RAB38: variants seen among roughly 807,000 people sequenced by gnomAD.
RAB38 encodes the protein RAB38, member RAS oncogene family.
RAB38 carries 15 observed loss-of-function variants against 18.4 expected under a neutral mutation model. The observed-to-expected ratio is 0.82, with a 90% CI of 0.55 to 1.26. RAB38 has a LOEUF of 1.26. Among genes scored for constraint, RAB38 ranks in the 50% most tolerant of loss-of-function variants. The pLI is 0.00. For synonymous variants in RAB38, 101 were observed against 104.4 expected (o/e 0.97, Z 0.20); for missense variants, 294 against 267.4 (o/e 1.10, Z -0.69).
the RAB38 span, among the ~76,000 whole-genome samples, chr11:88,039,180 A>G: frequency 6.6e-6 from 1 of 152,192 alleles, no homozygotes; most frequent in Non-Finnish European, 1.5e-5. Flanking sequence ...TGTGTCCTGT[A>G]AGCAATGAAA....
At chr11:88,018,982 T>A in the RAB38 span, among the ~76,000 whole-genome samples, 1 of 152,152 alleles carries the variant, frequency 6.6e-6, no homozygotes, top group African/African-American at 2.4e-5. Flanking sequence ...GAAGGACATT[T>A]CATTTTTTTC....
chr11:87,953,024 T>A, the RAB38 span, among the ~76,000 whole-genome samples: 5 of 152,274 alleles, frequency 3.3e-5, no homozygotes, highest in South Asian at 6.2e-4. Flanking sequence ...AATAACTTTT[T>A]AAAAATTCTA....
At chr11:87,868,525 A>G in the RAB38 span, among the ~76,000 whole-genome samples, 780 of 133,460 alleles carry the variant, frequency 5.8e-3, 8 homozygotes, top group African/African-American at 0.025. Context: ...ATGTGGCAAC[A>G]GAAATGAAAA....
chr11:87,821,382 G>T, the RAB38 span, among the ~76,000 whole-genome samples: 3 of 152,150 alleles, frequency 2.0e-5, no homozygotes, highest in African/African-American at 7.2e-5. Flanking sequence ...AAAAACAAGA[G>T]TGGAACAAAG....
At chr11:87,973,449 T>C in the RAB38 span, among the ~76,000 whole-genome samples, 1 of 151,082 alleles carries the variant, frequency 6.6e-6, no homozygotes, top group Admixed American at 6.7e-5. Flanking sequence ...TTGTGAGCTT[T>C]GAAATGAGAG....
chr11:88,124,359 T>C (rs1161299915), intron 2 of RAB38, among the ~76,000 whole-genome samples: 1 of 152,076 alleles, frequency 6.6e-6, no homozygotes, highest in African/African-American at 2.4e-5. Flanking sequence ...GGAGAAAATT[T>C]TTGCAATCTA....
the RAB38 span, among the ~76,000 whole-genome samples, chr11:87,941,221 A>ATATATATATATATATG: frequency 1.4e-4 from 15 of 109,190 alleles, no homozygotes; most frequent in African/African-American, 5.2e-4. Context: ...TGAGATATAT[A>ATATATATATATATATG]TATATATATA....
downstream of RAB38, among the ~76,000 whole-genome samples, chr11:88,110,051 A>C (rs1460295023): frequency 6.6e-6 from 1 of 152,196 alleles, no homozygotes; most frequent in Non-Finnish European, 1.5e-5. Flanking sequence ...TCATTCTACT[A>C]TAAAGACATA....
the RAB38 span, among the ~76,000 whole-genome samples, chr11:88,042,476 G>A: frequency 6.6e-6 from 1 of 152,178 alleles, no homozygotes; most frequent in African/African-American, 2.4e-5. Context: ...AGCACCTCAG[G>A]TCAGTCATGC....
At chr11:87,806,085 T>C in the RAB38 span, among the ~76,000 whole-genome samples, 1,959 of 152,300 alleles carry the variant, frequency 0.013, 81 homozygotes, top group Admixed American at 0.072. Flanking sequence ...AAATTAGCCA[T>C]CAGAGCAAGT....
At chr11:88,047,084 C>G in the RAB38 span, among the ~76,000 whole-genome samples, 1 of 152,184 alleles carries the variant, frequency 6.6e-6, no homozygotes, top group South Asian at 2.1e-4. Context: ...CTTAAAATCA[C>G]AAACTGTGCT....
At chr11:88,019,456 T>G in the RAB38 span, among the ~76,000 whole-genome samples, 1 of 152,220 alleles carries the variant, frequency 6.6e-6, no homozygotes, top group South Asian at 2.1e-4. Context: ...CCCCTGCAAC[T>G]TGCAATAGCC....
At chr11:88,142,464 C>T (rs1005053555) in intron 2 of RAB38, among the ~76,000 whole-genome samples, 19 of 152,308 alleles carry the variant, frequency 1.2e-4, no homozygotes, top group East Asian at 7.7e-4. Context: ...AAGCATGGAT[C>T]CTCTTTTACA....
chr11:88,157,503 C>A (rs576819738), intron 1 of RAB38, among the ~76,000 whole-genome samples: 1 of 152,176 alleles, frequency 6.6e-6, no homozygotes, highest in Non-Finnish European at 1.5e-5. Flanking sequence ...ACCTAACAGA[C>A]ATCTACGGAA....
the RAB38 span, among the ~76,000 whole-genome samples, chr11:87,869,390 G>A: frequency 2.6e-5 from 4 of 151,498 alleles, no homozygotes; most frequent in Non-Finnish European, 5.9e-5. Flanking sequence ...TAGTTTCTTG[G>A]TCAGTATTCC....
chr11:88,008,629 G>C, the RAB38 span, among the ~76,000 whole-genome samples: 6 of 152,198 alleles, frequency 3.9e-5, no homozygotes, highest in South Asian at 1.2e-3. Flanking sequence ...AAAGAAAACA[G>C]AGAGATTATT....
the RAB38 span, among the ~76,000 whole-genome samples, chr11:87,805,384 G>A: frequency 6.6e-6 from 1 of 151,250 alleles, no homozygotes; most frequent in Admixed American, 6.6e-5. Flanking sequence ...CATGTTAGAA[G>A]ATATTATCTA....
chr11:88,065,029 T>C, the RAB38 span, among the ~76,000 whole-genome samples: 5 of 152,334 alleles, frequency 3.3e-5, no homozygotes, highest in East Asian at 9.7e-4. Flanking sequence ...CCCATGATTC[T>C]TGACTTTTCA....
chr11:88,044,650 C>T, the RAB38 span, among the ~76,000 whole-genome samples: 33 of 152,248 alleles, frequency 2.2e-4, no homozygotes, highest in African/African-American at 6.5e-4. Context: ...AGGTGCCTGA[C>T]GTCCAGGCAT....
Sources: gnomAD v4.1 joint callset for allele counts (sites outside exome capture counted in the v4.1 genomes callset) on GRCh38, gnomAD v4.1.1 for gene constraint, MANE v1.5 for transcripts, NCBI Gene and HGNC (gene_info 2026-07-23, HGNC 2026-07-21) for gene names.